Variants in KCNMA1 observed in about 807,000 individuals in gnomAD.
KCNMA1 encodes potassium calcium-activated channel subfamily M alpha 1, also known as Calcium-activated potassium channel subunit alpha-1.
In KCNMA1, 29 loss-of-function variants were observed where a neutral mutation model predicts 140.0. That is an observed-to-expected ratio of 0.21 (90% confidence interval 0.15 to 0.28). KCNMA1 has a LOEUF of 0.28. Ranked by LOEUF, KCNMA1 falls within the 10% of genes least tolerant of loss-of-function variation. The probability of loss-of-function intolerance (pLI) is 1.00; values close to 1 mark genes in which losing one functional copy is unlikely to be tolerated. For missense variants in KCNMA1, 880 were observed against 1,602.2 expected (o/e 0.55, Z 7.70); for synonymous variants, 612 against 611.9 (o/e 1.00, Z 0.00).
chr10:77,215,960 C>T (rs1279717536), intron 3 of KCNMA1, among the ~76,000 whole-genome samples: 1 of 151,698 alleles, frequency 6.6e-6, no homozygotes, highest in Non-Finnish European at 1.5e-5. Context: ...AGAAGGTGGC[C>T]ATCTGCAACC....
chr10:77,596,351 T>C (rs143088102), intron 1 of KCNMA1, among the ~76,000 whole-genome samples: 11 of 152,212 alleles, frequency 7.2e-5, no homozygotes, highest in African/African-American at 2.2e-4. Context: ...CCAAAAGAAA[T>C]CCTCATACAT....
At chr10:77,260,512 C>T (rs555591297) in intron 2 of KCNMA1, among the ~76,000 whole-genome samples, 1 of 152,250 alleles carries the variant, frequency 6.6e-6, no homozygotes, top group African/African-American at 2.4e-5. Flanking sequence ...AGTTCAAGAC[C>T]AGCCTGGGCA....
At chr10:77,504,744 T>A (rs1373081132) in intron 1 of KCNMA1, among the ~76,000 whole-genome samples, 1 of 152,164 alleles carries the variant, frequency 6.6e-6, no homozygotes, top group African/African-American at 2.4e-5. Context: ...ATTACAGGCA[T>A]GAGTCACCAT....
intron 5 of KCNMA1, among the ~76,000 whole-genome samples, chr10:77,130,196 G>A (rs2153984161): frequency 6.6e-6 from 1 of 152,260 alleles, no homozygotes; most frequent in South Asian, 2.1e-4. Context: ...GTGCAAAAGT[G>A]ATACCTATTC....
chr10:77,091,027 A>G (rs1474413040), intron 9 of KCNMA1: 1 of 178,118 alleles, frequency 5.6e-6, no homozygotes, highest in Non-Finnish European at 1.2e-5. Flanking sequence ...CTGACACGTT[A>G]TAGGTTCTGC....
chr10:77,593,325 G>A (rs2079808655), intron 1 of KCNMA1, among the ~76,000 whole-genome samples: 2 of 152,176 alleles, frequency 1.3e-5, no homozygotes, highest in Non-Finnish European at 2.9e-5. Context: ...CAGGCGCCAG[G>A]TCACCATCTA....
intron 1 of KCNMA1, among the ~76,000 whole-genome samples, chr10:77,423,821 G>T (rs1441700897): frequency 2.6e-5 from 4 of 152,146 alleles, no homozygotes; most frequent in Admixed American, 2.0e-4. Context: ...TGAGAGAGGG[G>T]TCTGATTCTT....
At position 77,564,823 on chromosome 10, in the gene KCNMA1, TCTTTGG is replaced by T. The variant is rs1319172312; in HGVS notation, c.378+72436_378+72441del. On this transcript the variant is annotated intron_variant, in intron 1 of 27. Transcript: ENST00000286628. Reference sequence around the variant, plus strand: ...GACAAGCTGGGGTCAGAGGGCGGACTCTTTGGCTTAGGAGTAGAGGAGTTCAGAAGT... The same window carrying T: ...GACAAGCTGGGGTCAGAGGGCGGACTCTTAGGAGTAGAGGAGTTCAGAAGT... Among the ~76,000 whole-genome samples, 7 of 152,282 alleles carry T rather than the reference TCTTTGG, an allele frequency of 4.6e-5. No homozygotes were observed. The East Asian group carries it at 1.4e-3, about 29-fold the overall frequency.
At chr10:77,252,630 T>C (rs61868371) in intron 2 of KCNMA1, among the ~76,000 whole-genome samples, 74,684 of 151,078 alleles carry the variant, frequency 0.49, 19,203 homozygotes, top group East Asian at 0.93. Context: ...ACACACACAC[T>C]CCTGTATTTT....
At chr10:76,923,812 G>A (rs937804963) in intron 23 of KCNMA1, among the ~76,000 whole-genome samples, 21 of 151,784 alleles carry the variant, frequency 1.4e-4, no homozygotes, top group Non-Finnish European at 2.8e-4. Context: ...GTGAAACCTC[G>A]TCTCTACTAA....
At chr10:77,131,979 A>G (rs941031695) in intron 5 of KCNMA1, among the ~76,000 whole-genome samples, 24 of 150,888 alleles carry the variant, frequency 1.6e-4, no homozygotes, top group East Asian at 6.2e-4. Flanking sequence ...AAAAAAAAAA[A>G]AAAGAAAAGA....
chr10:77,496,107 A>C (rs2041822100), intron 1 of KCNMA1, among the ~76,000 whole-genome samples: 1 of 152,098 alleles, frequency 6.6e-6, no homozygotes, highest in Non-Finnish European at 1.5e-5. Flanking sequence ...AGAGCCCCTG[A>C]AGCATCCTCC....
chr10:77,389,617 G>A (rs139867650), intron 2 of KCNMA1, among the ~76,000 whole-genome samples: 294 of 152,274 alleles, frequency 1.9e-3, no homozygotes, highest in Non-Finnish European at 3.0e-3. Context: ...TCCCCTTAGA[G>A]GCTTCCAACT....
At chr10:77,553,919 A>G (rs74719168) in intron 1 of KCNMA1, among the ~76,000 whole-genome samples, 1 of 152,044 alleles carries the variant, frequency 6.6e-6, no homozygotes, top group African/African-American at 2.4e-5. Flanking sequence ...AATAACACAG[A>G]TTTGATATTC....
chr10:77,602,019 G>A (rs1179753792), intron 1 of KCNMA1, among the ~76,000 whole-genome samples: 1 of 152,134 alleles, frequency 6.6e-6, no homozygotes, highest in Non-Finnish European at 1.5e-5. Flanking sequence ...TATTCTAAAT[G>A]GCACTGAGAA....
In KCNMA1 at chr10:77,000,887, T is replaced by A. The variant is rs1272743996; in HGVS notation, c.2266+520A>T. Among the ~76,000 whole-genome samples the A allele has an allele frequency of 3.7e-3, 418 of 113,432 alleles. 20 individuals carry two copies. Among genetic ancestry groups the A allele is most frequent in the African/African-American group, 0.01 (312 of 29,826 alleles). The allele number at this position is 113,432 out of a possible 152,430, so 74.4% of individuals were successfully genotyped here. A position where few individuals can be genotyped will look rare whatever the true frequency, so the allele number is the denominator to read the frequency against. ...ATATATATATATATATATATATATA[T>A]ATATATATATATATCCATCTGCATC... On this transcript the variant is annotated intron_variant, in intron 19 of 27. Coordinates refer to ENST00000286628, the MANE Select transcript of KCNMA1 (RefSeq NM_001161352.2).
chr10:77,551,346 C>G (rs192850075), intron 1 of KCNMA1, among the ~76,000 whole-genome samples: 3 of 152,282 alleles, frequency 2.0e-5, no homozygotes, highest in Admixed American at 1.3e-4. Flanking sequence ...ATGTCACAGA[C>G]AGAGGCACAG....
intron 23 of KCNMA1, among the ~76,000 whole-genome samples, chr10:76,941,519 GT>G (rs2062404190): frequency 6.6e-6 from 1 of 152,148 alleles, no homozygotes; most frequent in Non-Finnish European, 1.5e-5. Flanking sequence ...CCTTTACAAG[GT>G]TAGAGTATCA....
chr10:77,076,309 GA>G (rs1322415645), intron 13 of KCNMA1, among the ~76,000 whole-genome samples: 1 of 152,152 alleles, frequency 6.6e-6, no homozygotes, highest in Non-Finnish European at 1.5e-5. Flanking sequence ...CATCAGGAGT[GA>G]TACTTTTCCA....
Sources: gnomAD v4.1 joint callset for allele counts (sites outside exome capture counted in the v4.1 genomes callset) on GRCh38, gnomAD v4.1.1 for gene constraint, MANE v1.5 for transcripts, NCBI Gene and HGNC (gene_info 2026-07-23, HGNC 2026-07-21) for gene names.